Variants in ZDHHC4 observed in about 807,000 individuals in gnomAD.
ZDHHC4 encodes the protein zDHHC palmitoyltransferase 4, also known as palmitoyltransferase ZDHHC4.
Under a neutral mutation model 36.7 loss-of-function variants are expected in ZDHHC4, and 42 were observed. That is an observed-to-expected ratio of 1.14 (90% CI 0.89 to 1.48). The LOEUF (loss-of-function observed/expected upper bound fraction) is 1.48, where lower values mean the gene tolerates loss of function less well. Ranked by LOEUF, ZDHHC4 falls within the 40% of genes most tolerant of loss-of-function variation. ZDHHC4 has a pLI of 0.00. For missense variants in ZDHHC4, 457 were observed against 421.5 expected (o/e 1.08, Z -0.74); for synonymous variants, 189 against 166.6 (o/e 1.13, Z -1.03).
rs1780982515 is a variant in ZDHHC4, at chr7:6,583,176, TC to T, written c.371-129del. 2.9e-6 allele frequency: 3 copies of T among 1,035,582 alleles called. No individual in the cohort carries two copies. In the African/African-American group the frequency reaches 5.0e-5, roughly 17 times the overall value. 64.1% of individuals were successfully genotyped at this position (1,035,582 alleles called of 1,614,324 possible). A position where few individuals can be genotyped will look rare whatever the true frequency, so the allele number is the denominator to read the frequency against. On this transcript the variant is annotated intron_variant, in intron 5 of 7. Transcript: ENST00000335965. Reference sequence around the variant, plus strand: ...GCCTGGATGACAAAGTAAGACTGTCTCAAAAAAAAAAAAAGAATTACTTACG... The same window carrying T: ...GCCTGGATGACAAAGTAAGACTGTCTAAAAAAAAAAAAAGAATTACTTACG...
chr7:6,580,077 G>C (rs752474872), intron 2 of ZDHHC4, among the ~76,000 whole-genome samples: 5 of 152,116 alleles, frequency 3.3e-5, no homozygotes, highest in Non-Finnish European at 5.9e-5. Context: ...GGAGGTTGCA[G>C]TGAGCCAAGA....
At position 6,582,054 on chromosome 7, in the gene ZDHHC4, C is replaced by T. The variant is rs1296682643; in HGVS notation, c.192-19C>T. On this transcript the variant is annotated intron_variant, in intron 4 of 7. Transcript: ENST00000335965. ...CAAGAAGAAACCCCCATGAACAAGCCATGCCTGTTTTCTTTCAGAAACCAC... is the reference window on the plus strand; with the variant it reads ...CAAGAAGAAACCCCCATGAACAAGCTATGCCTGTTTTCTTTCAGAAACCAC... 1 of 1,606,792 alleles carries T rather than the reference C, an allele frequency of 6.2e-7. No homozygotes were observed. Among genetic ancestry groups the T allele is most frequent in the Non-Finnish European group, 8.5e-7 (1 of 1,175,416 alleles).
At chr7:6,583,630 C>A in intron 6 of ZDHHC4, 199 bp downstream of exon 6, 1 of 638,780 alleles carries the variant, frequency 1.6e-6, no homozygotes, top group Non-Finnish European at 2.5e-6. Flanking sequence ...AGTAGACAGT[C>A]CTCATCTCTG....
chr7:6,578,262 G>T (rs1780580733), intron 1 of ZDHHC4, among the ~76,000 whole-genome samples: 1 of 152,020 alleles, frequency 6.6e-6, no homozygotes, highest in African/African-American at 2.4e-5. Flanking sequence ...CAAGTAGCTG[G>T]GACCACAGGC....
rs370141673 is a variant in ZDHHC4 at position 6,582,049 on chromosome 7, C to G, written c.192-24C>G. 3 of 1,599,880 alleles carry G rather than the reference C, an allele frequency of 1.9e-6. No individual in the cohort carries two copies. The South Asian group carries it at 3.3e-5, about 18-fold the overall frequency. On this transcript the variant is annotated intron_variant, in intron 4 of 7. Coordinates refer to ENST00000335965, the MANE Select transcript of ZDHHC4 (RefSeq NM_001134389.2). ...TTCTTCAAGAAGAAACCCCCATGAACAAGCCATGCCTGTTTTCTTTCAGAA... is the reference window on the plus strand; with the variant it reads ...TTCTTCAAGAAGAAACCCCCATGAAGAAGCCATGCCTGTTTTCTTTCAGAA...
chr7:6,584,890 A>C, intron 6 of ZDHHC4, 126 bp from the exon 7 acceptor site: 2 of 1,392,358 alleles, frequency 1.4e-6, no homozygotes, highest in Non-Finnish European at 1.9e-6. Flanking sequence ...TTAGTTTGGA[A>C]CTAAGCAGCT....
At chr7:6,580,937 A>G in intron 3 of ZDHHC4, 2 of 465,120 alleles carry the variant, frequency 4.3e-6, no homozygotes, top group East Asian at 3.8e-5. Flanking sequence ...AAAAGATGCC[A>G]CTTAACATCA....
chr7:6,588,636 C>T lies in ZDHHC4; in HGVS notation c.761C>T (p.Pro254Leu). The T allele has an allele frequency of 1.2e-6, 2 of 1,614,128 alleles. No individual in the cohort carries two copies. Among genetic ancestry groups the T allele is most frequent in the Non-Finnish European group, 1.7e-6 (2 of 1,180,014 alleles). Residue 254 changes from proline to leucine, a missense_variant, in exon 8 of 8, where the codon CCA (proline) becomes CTA (leucine). Physicochemically the swap from Pro to Leu is moderately conservative, Grantham distance 98. Coordinates refer to ENST00000335965, the MANE Select transcript of ZDHHC4 (RefSeq NM_001134389.2). ...TCCTAGTACCTGTTCCTGACTTTTC[C>T]ACGGATTGTCTTCATGCTGGGCTTT... ...FLIQYLFLTF[P>L]RIVFMLGFVV...
At chr7:6,582,273 A>G in intron 5 of ZDHHC4, 22 bp downstream of exon 5, 1 of 1,609,002 alleles carries the variant, frequency 6.2e-7, no homozygotes, top group Non-Finnish European at 8.5e-7. Flanking sequence ...CTCTTAGCAT[A>G]CAGCATGGTG....
In ZDHHC4 at chr7:6,585,261, G is replaced by C; in HGVS notation, c.741+1G>C. 1.9e-6 allele frequency: 3 copies of C among 1,609,494 alleles called. No individual in the cohort carries two copies. Among genetic ancestry groups the C allele is most frequent in the Non-Finnish European group, 2.5e-6 (3 of 1,176,574 alleles). ...TATGGACACGGTCTTTCTTATTCAG[G>C]TAATTATGCTGTAGGTTTCTGACTT... On this transcript the variant is annotated splice_donor_variant, in intron 7 of 7. Transcript: ENST00000335965. LOFTEE classifies it high-confidence loss of function.
chr7:6,581,598 T>G lies in ZDHHC4; in HGVS notation c.118-9T>G. The G allele has an allele frequency of 6.2e-7, 1 of 1,604,788 alleles. No homozygotes were observed. The highest frequency in any genetic ancestry group is 8.5e-7 in the Non-Finnish European group (1 of 1,172,002). ...TGAAATTGAGTCTTTCTCTTTCCTT[T>G]TGTTTCAGATATTTTCCTGTATAAT... On this transcript the variant is annotated splice_polypyrimidine_tract_variant and intron_variant, in intron 3 of 7. Coordinates refer to ENST00000335965, the MANE Select transcript of ZDHHC4 (RefSeq NM_001134389.2).
At chr7:6,580,862 G>A (rs1780793534) in intron 3 of ZDHHC4, 184 bp downstream of exon 3, 1 of 609,118 alleles carries the variant, frequency 1.6e-6, no homozygotes, top group East Asian at 2.8e-5. Context: ...GTTGCCATGA[G>A]CTATGATCAC....
chr7:6,578,760 CTG>C (rs1421241030), intron 2 of ZDHHC4, 40 bp downstream of exon 2: 3 of 152,216 alleles, frequency 2.0e-5, no homozygotes, highest in Non-Finnish European at 4.4e-5. Flanking sequence ...AGAATTGCTG[CTG>C]TTTGTTTACT....
chr7:6,584,672 T>C (rs554386350), intron 6 of ZDHHC4, among the ~76,000 whole-genome samples: 2 of 152,238 alleles, frequency 1.3e-5, no homozygotes, highest in East Asian at 3.9e-4. Context: ...CTCACTCCAT[T>C]ACCCAGGCTG....
intron 6 of ZDHHC4, 43 bp from the exon 7 acceptor site, chr7:6,584,973 C>A (rs377752915): frequency 6.2e-7 from 1 of 1,607,750 alleles, no homozygotes; most frequent in East Asian, 2.2e-5. Context: ...GTCCTTGTCT[C>A]GTCAAGCACC....
At position 6,588,961 on chromosome 7, in the gene ZDHHC4, G is replaced by T. The variant is rs1477873742; in HGVS notation, c.*51G>T. ...TAGTTCCCGTTTATTTACACATGTG[G>T]ATCCTCGTTTTCCAAGCATGGCTTG... On this transcript the variant is annotated 3_prime_UTR_variant, in exon 8 of 8. Transcript: ENST00000335965. 2 of 1,561,580 alleles carry T rather than the reference G, an allele frequency of 1.3e-6. No individual in the cohort carries two copies. Among genetic ancestry groups the T allele is most frequent in the Non-Finnish European group, 1.7e-6 (2 of 1,147,502 alleles).
Position 6,582,070 on chromosome 7 carries a change from C to A in ZDHHC4, c.192-3C>A. 6.2e-7 allele frequency: 1 copy of A among 1,609,424 alleles called. No homozygotes were observed. The highest frequency in any genetic ancestry group is 8.5e-7 in the Non-Finnish European group (1 of 1,176,802). ...TGAACAAGCCATGCCTGTTTTCTTT[C>A]AGAAACCACACCTTCATTGTCCTGC... On this transcript the variant is annotated splice_polypyrimidine_tract_variant and splice_region_variant and intron_variant, in intron 4 of 7. Transcript: ENST00000335965.
Position 6,585,076 on chromosome 7 carries a change from T to G in ZDHHC4, c.557T>G (p.Ile186Ser). ...CACTGTGTTTGGGTGAACAACTGCA[T>G]CGGGGCCTGGAACATCAGGTACTTC... ...DHHCVWVNNC[I>S]GAWNIRYFLI... is the part of the protein sequence containing the mutation. The change falls in exon 7 of 8, where the codon ATC (isoleucine) becomes AGC (serine). Residue 186 changes from isoleucine (I) to serine (S), a missense_variant. Transcript: ENST00000335965. The G allele has an allele frequency of 6.2e-7, 1 of 1,614,134 alleles. No individual in the cohort carries two copies. Among genetic ancestry groups the G allele is most frequent in the Non-Finnish European group, 8.5e-7 (1 of 1,180,018 alleles).
At chr7:6,586,539 G>A (rs1234295235) in intron 7 of ZDHHC4, among the ~76,000 whole-genome samples, 1 of 152,114 alleles carries the variant, frequency 6.6e-6, no homozygotes, top group Non-Finnish European at 1.5e-5. Flanking sequence ...GCAATGGTGT[G>A]ATCTTGGCTC....
Sources: gnomAD v4.1 joint callset for allele counts (sites outside exome capture counted in the v4.1 genomes callset) on GRCh38, gnomAD v4.1.1 for gene constraint, MANE v1.5 for transcripts, NCBI Gene and HGNC (gene_info 2026-07-23, HGNC 2026-07-21) for gene names.